Variants in DNAJC15 observed in about 807,000 individuals in gnomAD.
DNAJC15 encodes the protein DnaJ heat shock protein family (Hsp40) member C15.
DNAJC15 carries 27 observed loss-of-function variants against 22.4 expected under a neutral mutation model. The observed-to-expected ratio is 1.20, with a 90% CI of 0.89 to 1.66. The LOEUF (loss-of-function observed/expected upper bound fraction) is 1.66. Among genes scored for constraint, DNAJC15 ranks in the 40% most tolerant of loss-of-function variants. The probability of loss-of-function intolerance (pLI) is 0.00; values close to 1 mark genes in which losing one functional copy is unlikely to be tolerated. For missense variants in DNAJC15, 208 were observed against 187.1 expected (o/e 1.11, Z -0.65); for synonymous variants, 79 against 63.2 (o/e 1.25, Z -1.19).
intron 1 of DNAJC15, among the ~76,000 whole-genome samples, chr13:43,061,961 A>C (rs1216861005): frequency 2.0e-5 from 3 of 152,224 alleles, no homozygotes; most frequent in Non-Finnish European, 4.4e-5. Flanking sequence ...CCTTGGGCCA[A>C]CTTTACCCTG....
chr13:43,084,256 G>T (rs951505207), intron 4 of DNAJC15, among the ~76,000 whole-genome samples: 1 of 152,180 alleles, frequency 6.6e-6, no homozygotes, highest in Non-Finnish European at 1.5e-5. Context: ...TCAAAATGCA[G>T]GAGATATCTA....
intron 1 of DNAJC15, among the ~76,000 whole-genome samples, chr13:43,051,750 C>T (rs1436946393): frequency 6.6e-6 from 1 of 152,082 alleles, no homozygotes; most frequent in Non-Finnish European, 1.5e-5. Flanking sequence ...CTGCCATAAA[C>T]ATGCATGTGC....
chr13:43,104,287 A>G (rs1296218184), intron 5 of DNAJC15, among the ~76,000 whole-genome samples: 1 of 152,084 alleles, frequency 6.6e-6, no homozygotes, highest in African/African-American at 2.4e-5. Context: ...AGTTTCATAT[A>G]TATCTGGAAT....
In DNAJC15 at chr13:43,101,948, A is replaced by C. The variant is rs1023825964; in HGVS notation, c.383-5230A>C. 1.3e-5 allele frequency among the ~76,000 whole-genome samples: 2 copies of C among 152,204 alleles called. 1 individual carries two copies. Among genetic ancestry groups the C allele is most frequent in the Non-Finnish European group, 2.9e-5 (2 of 68,034 alleles). ...CTTCTTTTCCTGTGGAAAGATACCT[A>C]GTAGTGGGATTGCTGAATCAAATGG... On this transcript the variant is annotated intron_variant, in intron 5 of 5. Coordinates refer to ENST00000379221, the MANE Select transcript of DNAJC15 (RefSeq NM_013238.3).
chr13:43,066,585 C>T (rs1247815074), intron 2 of DNAJC15, among the ~76,000 whole-genome samples: 1 of 152,158 alleles, frequency 6.6e-6, no homozygotes, highest in Admixed American at 6.5e-5. Context: ...AGGATTAGGA[C>T]ATGGACATCT....
chr13:43,069,864 A>G (rs1182239322), intron 3 of DNAJC15, among the ~76,000 whole-genome samples: 1 of 152,208 alleles, frequency 6.6e-6, no homozygotes. Flanking sequence ...GTCAAAGTTG[A>G]TATAATACTA....
At chr13:43,065,792 T>A (rs1349019769) in intron 2 of DNAJC15, 55 bp downstream of exon 2, 2 of 1,518,356 alleles carry the variant, frequency 1.3e-6, no homozygotes, top group Non-Finnish European at 1.8e-6. Flanking sequence ...CCAAATAGCA[T>A]CTACAGTGAT....
At position 43,108,859 on chromosome 13, in the gene DNAJC15, T is replaced by C. The variant is rs1358503816; in HGVS notation, c.*1611T>C. The C allele has an allele frequency of 2.6e-5, 4 of 152,308 alleles. No individual in the cohort carries two copies. Among genetic ancestry groups the C allele is most frequent in the East Asian group, 1.9e-4 (1 of 5,188 alleles). The allele number at this position is 152,308 out of a possible 1,614,324, so 9.4% of individuals were successfully genotyped here. A position where few individuals can be genotyped will look rare whatever the true frequency, so the allele number is the denominator to read the frequency against. On this transcript the variant is annotated 3_prime_UTR_variant, in exon 6 of 6. Transcript: ENST00000379221. ...TATAAAATAATGATCCTGAATTAAA[T>C]TGATGGAACCTTGAAGTCGATAAAA...
chr13:43,079,912 A>G (rs1447332585), intron 4 of DNAJC15, among the ~76,000 whole-genome samples: 1 of 152,216 alleles, frequency 6.6e-6, no homozygotes, highest in East Asian at 1.9e-4. Flanking sequence ...AGACTCTGGT[A>G]TCAAGTATAT....
chr13:43,029,640 T>G (rs1035757118), intron 1 of DNAJC15, among the ~76,000 whole-genome samples: 1 of 152,130 alleles, frequency 6.6e-6, no homozygotes, highest in African/African-American at 2.4e-5. Context: ...AATTTTTCTG[T>G]TTTTTTAATT....
Position 43,023,625 on chromosome 13 carries a change from C to T in DNAJC15, c.-2C>T. 1.9e-6 allele frequency: 3 copies of T among 1,608,610 alleles called. No individual in the cohort carries two copies. The highest frequency in any genetic ancestry group is 1.7e-6 in the Non-Finnish European group (2 of 1,177,656). Reference sequence around the variant, plus strand: ...CGCCTTGAGTCTCCGGGCCGCCTTGCCATGGCTGCCCGTGGTGTCATCGCT... The same window carrying T: ...CGCCTTGAGTCTCCGGGCCGCCTTGTCATGGCTGCCCGTGGTGTCATCGCT... On this transcript the variant is annotated 5_prime_UTR_variant, in exon 1 of 6. Coordinates refer to ENST00000379221, the MANE Select transcript of DNAJC15 (RefSeq NM_013238.3).
intron 5 of DNAJC15, among the ~76,000 whole-genome samples, chr13:43,100,499 C>T (rs2040762904): frequency 6.6e-6 from 1 of 152,116 alleles, no homozygotes; most frequent in Non-Finnish European, 1.5e-5. Context: ...AAGTGTGACC[C>T]ACTGTGCCCA....
At chr13:43,039,612 T>G (rs560294656) in intron 1 of DNAJC15, among the ~76,000 whole-genome samples, 1 of 152,240 alleles carries the variant, frequency 6.6e-6, no homozygotes, top group Non-Finnish European at 1.5e-5. Flanking sequence ...CAAAAAATTC[T>G]AATAAAATTT....
chr13:43,058,014 G>A (rs2040539983), intron 1 of DNAJC15, among the ~76,000 whole-genome samples: 1 of 151,994 alleles, frequency 6.6e-6, no homozygotes, highest in South Asian at 2.1e-4. Context: ...TAGCATGGGA[G>A]TGAAGTGGAC....
intron 1 of DNAJC15, among the ~76,000 whole-genome samples, chr13:43,037,888 A>G (rs1231996512): frequency 6.6e-6 from 1 of 152,238 alleles, no homozygotes; most frequent in East Asian, 1.9e-4. Flanking sequence ...CTTTGATTCT[A>G]AAGTCTAATG....
intron 1 of DNAJC15, among the ~76,000 whole-genome samples, chr13:43,062,665 A>G (rs1183108064): frequency 6.6e-6 from 1 of 152,240 alleles, no homozygotes; most frequent in African/African-American, 2.4e-5. Context: ...TTGAAATAGT[A>G]AAAATGTTGC....
Position 43,107,290 on chromosome 13 carries a change from CGAAA to C in DNAJC15, c.*43_*46del. The stretch of plus-strand genomic sequence containing the variant: ...TGAAGGAAAAAAAAAGAGGGGACTT[CGAAA>C]AAAAAAAAAGCCCTGCAAAATATTC... On this transcript the variant is annotated 3_prime_UTR_variant, in exon 6 of 6. Coordinates refer to ENST00000379221, the MANE Select transcript of DNAJC15 (RefSeq NM_013238.3). The C allele has an allele frequency of 4.5e-6, 5 of 1,118,510 alleles. No individual in the cohort carries two copies. The highest frequency in any genetic ancestry group is 1.9e-5 in the South Asian group (1 of 52,566). The allele number at this position is 1,118,510 out of a possible 1,614,324, so 69.3% of individuals were successfully genotyped here.
intron 5 of DNAJC15, among the ~76,000 whole-genome samples, chr13:43,102,535 G>C (rs111597144): frequency 0.015 from 2,266 of 152,238 alleles, 25 homozygotes; most frequent in Non-Finnish European, 0.015. Context: ...CAGCACTTTG[G>C]GGGGAGGAGG....
In DNAJC15 at chr13:43,032,791, C is replaced by T. The variant is rs546723133; in HGVS notation, c.108+9057C>T. On this transcript the variant is annotated intron_variant, in intron 1 of 5. Coordinates refer to ENST00000379221, the MANE Select transcript of DNAJC15 (RefSeq NM_013238.3). ...AGTGAACCCAGATCACACCACTGCACTGTAGCCTGGGTGACAGAGCAAGAC... is the reference window on the plus strand; with the variant it reads ...AGTGAACCCAGATCACACCACTGCATTGTAGCCTGGGTGACAGAGCAAGAC... Among the ~76,000 whole-genome samples the T allele has an allele frequency of 4.6e-5, 7 of 152,326 alleles. No homozygotes were observed. In the East Asian group the frequency reaches 1.3e-3, roughly 29 times the overall value.
Sources: gnomAD v4.1 joint callset for allele counts (sites outside exome capture counted in the v4.1 genomes callset) on GRCh38, gnomAD v4.1.1 for gene constraint, MANE v1.5 for transcripts, NCBI Gene and HGNC (gene_info 2026-07-23, HGNC 2026-07-21) for gene names.